Variants in ZBTB20 observed in about 807,000 individuals in gnomAD.
The protein encoded by ZBTB20 is zinc finger and BTB domain containing 20.
Under a neutral mutation model 56.9 loss-of-function variants are expected in ZBTB20, and 9 were observed. The ratio of observed to expected loss-of-function variants is 0.16; its 90% CI spans 0.10 to 0.28. The LOEUF (loss-of-function observed/expected upper bound fraction) is 0.28, where lower values mean the gene tolerates loss of function less well. Ranked by LOEUF, ZBTB20 falls within the 10% of genes least tolerant of loss-of-function variation. The probability of loss-of-function intolerance (pLI) is 1.00; values close to 1 mark genes in which losing one functional copy is unlikely to be tolerated. For missense variants in ZBTB20, 655 were observed against 1,003.0 expected (o/e 0.65, Z 4.69); for synonymous variants, 417 against 420.7 (o/e 0.99, Z 0.11).
chr3:115,105,656 C>T (rs1194593348), intron 1 of ZBTB20, among the ~76,000 whole-genome samples: 1 of 152,092 alleles, frequency 6.6e-6, no homozygotes, highest in Non-Finnish European at 1.5e-5. Flanking sequence ...ATCATGCATT[C>T]TTAAAGGTTG....
chr3:114,464,532 C>T (rs1327028182), intron 7 of ZBTB20, among the ~76,000 whole-genome samples: 2 of 152,176 alleles, frequency 1.3e-5, no homozygotes, highest in African/African-American at 4.8e-5. Context: ...CACTCTCCCA[C>T]AAACACATTT....
intron 7 of ZBTB20, among the ~76,000 whole-genome samples, chr3:114,420,441 TG>T (rs1185441964): frequency 6.6e-6 from 1 of 152,178 alleles, no homozygotes; most frequent in Non-Finnish European, 1.5e-5. Context: ...AGTGCTTCCC[TG>T]TAGGGCACCC....
chr3:114,473,282 G>C (rs776106813), intron 7 of ZBTB20, among the ~76,000 whole-genome samples: 1 of 152,108 alleles, frequency 6.6e-6, no homozygotes, highest in Non-Finnish European at 1.5e-5. Flanking sequence ...AAATTATTGT[G>C]TCTTTCAAAT....
At chr3:114,549,803 T>C (rs1366647681) in intron 6 of ZBTB20, among the ~76,000 whole-genome samples, 1 of 151,606 alleles carries the variant, frequency 6.6e-6, no homozygotes, top group Admixed American at 6.6e-5. Flanking sequence ...GGTGACTCTA[T>C]CAGTTAAGAG....
intron 10 of ZBTB20, among the ~76,000 whole-genome samples, chr3:114,352,851 T>C (rs1254784219): frequency 6.6e-6 from 1 of 152,180 alleles, no homozygotes; most frequent in Non-Finnish European, 1.5e-5. Flanking sequence ...GTGGGATATA[T>C]GATCTCCTTG....
At chr3:115,078,337 T>C (rs948301627) in intron 1 of ZBTB20, among the ~76,000 whole-genome samples, 11 of 152,156 alleles carry the variant, frequency 7.2e-5, no homozygotes, top group African/African-American at 2.7e-4. Flanking sequence ...AAGCCAGAAC[T>C]CTGGTAAACC....
At chr3:115,045,903 G>A (rs1047424818) in intron 2 of ZBTB20, among the ~76,000 whole-genome samples, 2 of 152,116 alleles carry the variant, frequency 1.3e-5, no homozygotes, top group East Asian at 3.9e-4. Context: ...CTTGATGAGG[G>A]TTCAACAAGC....
At chr3:114,460,812 G>C (rs568209093) in intron 7 of ZBTB20, among the ~76,000 whole-genome samples, 2 of 152,204 alleles carry the variant, frequency 1.3e-5, no homozygotes, top group African/African-American at 4.8e-5. Flanking sequence ...ATATTTCTTA[G>C]CTCTTTAAAA....
At chr3:114,588,283 C>T (rs1369304826) in intron 6 of ZBTB20, among the ~76,000 whole-genome samples, 1 of 152,150 alleles carries the variant, frequency 6.6e-6, no homozygotes, top group Non-Finnish European at 1.5e-5. Context: ...GCCATGAGTC[C>T]CATTCGTATG....
At chr3:114,992,627 A>G (rs575974344) in intron 2 of ZBTB20, among the ~76,000 whole-genome samples, 1 of 152,018 alleles carries the variant, frequency 6.6e-6, no homozygotes, top group East Asian at 1.9e-4. Flanking sequence ...GGGGAAACAG[A>G]CAAAGCCTGA....
chr3:114,596,296 C>T (rs537397838), intron 6 of ZBTB20, among the ~76,000 whole-genome samples: 1 of 152,244 alleles, frequency 6.6e-6, no homozygotes, highest in African/African-American at 2.4e-5. Context: ...TGCCTATATG[C>T]CATCACCATG....
At chr3:114,542,769 C>T (rs932005100) in intron 6 of ZBTB20, among the ~76,000 whole-genome samples, 1 of 152,114 alleles carries the variant, frequency 6.6e-6, no homozygotes, top group African/African-American at 2.4e-5. Flanking sequence ...TGAATCAGAA[C>T]CATTCAGAAT....
intron 2 of ZBTB20, among the ~76,000 whole-genome samples, chr3:115,040,833 C>A (rs2081111869): frequency 6.6e-6 from 1 of 152,012 alleles, no homozygotes; most frequent in Non-Finnish European, 1.5e-5. Context: ...GGAGTGGAAT[C>A]CTCGAGTTAC....
At chr3:114,940,394 T>C (rs1436112886) in intron 3 of ZBTB20, among the ~76,000 whole-genome samples, 1 of 942 alleles carries the variant, frequency 1.1e-3, no homozygotes, top group African/African-American at 1.1e-3. Flanking sequence ...CATTTCTGAT[T>C]TTTTTTTTTT....
intron 11 of ZBTB20, among the ~76,000 whole-genome samples, chr3:114,346,245 T>C (rs761979249): frequency 1.2e-4 from 19 of 152,198 alleles, no homozygotes; most frequent in Non-Finnish European, 1.9e-4. Context: ...GAAGGACACA[T>C]GTCAAGCATG....
chr3:114,911,101 A>G (rs2075518493), intron 3 of ZBTB20, among the ~76,000 whole-genome samples: 3 of 126,150 alleles, frequency 2.4e-5, no homozygotes, highest in African/African-American at 8.4e-5. Context: ...CCCCACAGCA[A>G]TAAAAATTTT....
At chr3:114,571,338 T>C (rs1035361011) in intron 6 of ZBTB20, among the ~76,000 whole-genome samples, 8 of 152,168 alleles carry the variant, frequency 5.3e-5, no homozygotes, top group Admixed American at 3.3e-4. Context: ...TCCATAGTTA[T>C]TGGGGGAAAA....
At chr3:114,605,886 T>C (rs1157475423) in intron 6 of ZBTB20, among the ~76,000 whole-genome samples, 1 of 151,808 alleles carries the variant, frequency 6.6e-6, no homozygotes, top group Non-Finnish European at 1.5e-5. Context: ...CTGCAGGTGG[T>C]TCCAGACAGA....
chr3:114,863,744 CT>C (rs1268779116), intron 4 of ZBTB20, among the ~76,000 whole-genome samples: 1 of 152,040 alleles, frequency 6.6e-6, no homozygotes, highest in Admixed American at 6.6e-5. Context: ...ATATCACTTC[CT>C]TTGGGTTCAC....
Sources: allele counts gnomAD v4.1 joint callset (sites outside exome capture counted in the v4.1 genomes callset), GRCh38; gene constraint gnomAD v4.1.1; transcripts MANE v1.5; gene names NCBI Gene and HGNC (gene_info 2026-07-23, HGNC 2026-07-21).